Variants in RNF20 observed in about 807,000 individuals in gnomAD.
The protein encoded by RNF20 is E3 ubiquitin-protein ligase BRE1A.
A neutral mutation model predicts 126.2 loss-of-function variants in RNF20; 84 were observed. That is an observed-to-expected ratio of 0.67 (90% CI 0.56 to 0.80). RNF20 has a LOEUF of 0.80. RNF20 is among the 30% of genes least tolerant of loss of function. The pLI, the probability that RNF20 is intolerant of heterozygous loss-of-function variation, is 0.00. For synonymous variants in RNF20, 400 were observed against 414.3 expected (o/e 0.97, Z 0.42); for missense variants, 869 against 1,188.2 (o/e 0.73, Z 3.95).
At position 101,557,407 on chromosome 9, in the gene RNF20, A is replaced by C; in HGVS notation, c.2193A>C (p.Glu731Asp). 4 of 1,613,734 alleles carry C rather than the reference A, an allele frequency of 2.5e-6. No individual in the cohort carries two copies. The highest frequency in any genetic ancestry group is 3.4e-6 in the Non-Finnish European group (4 of 1,179,684). ...AGGAAGAAGAAGCACTCCTCTCTGA[A>C]ATGGATGTCACAGGCCAGGCCTTTG... ...AKQEEEALLS[E>D]MDVTGQAFED... Residue 731 changes from glutamate to aspartate, a missense_variant, in exon 16 of 20, where the codon GAA becomes GAC. Transcript: ENST00000389120.
intron 12 of RNF20, 35 bp downstream of exon 12, chr9:101,552,297 A>G (rs757304130): frequency 1.9e-6 from 3 of 1,613,872 alleles, no homozygotes; most frequent in Non-Finnish European, 2.5e-6. Context: ...ATCATTTGCT[A>G]TTAATGTCGT....
chr9:101,553,806 T>C (rs1588223950), intron 13 of RNF20, among the ~76,000 whole-genome samples, 182 bp from the exon 14 acceptor site: 1 of 152,358 alleles, frequency 6.6e-6, no homozygotes, highest in East Asian at 1.9e-4. Flanking sequence ...CTTACTTTTC[T>C]GTACTTTCTA....
intron 19 of RNF20, 48 bp from the exon 20 acceptor site, chr9:101,562,198 A>G (rs747915411): frequency 1.3e-6 from 2 of 1,579,106 alleles, no homozygotes; most frequent in Admixed American, 3.5e-5. Context: ...AGCCATTTGG[A>G]TCATAAACTT....
intron 2 of RNF20, among the ~76,000 whole-genome samples, chr9:101,539,785 T>C (rs922362523): frequency 6.6e-6 from 1 of 152,160 alleles, no homozygotes. Flanking sequence ...TGTCCACATG[T>C]ATGGTGAAGT....
chr9:101,544,963 A>G (rs1827325747), intron 6 of RNF20, 78 bp downstream of exon 6: 1 of 885,154 alleles, frequency 1.1e-6, no homozygotes, highest in African/African-American at 1.6e-5. Context: ...AGCACCTCAA[A>G]GATTACCTTA....
intron 17 of RNF20, 59 bp downstream of exon 17, chr9:101,560,985 T>A (rs1261388217): frequency 3.1e-6 from 5 of 1,598,916 alleles, no homozygotes; most frequent in Non-Finnish European, 3.4e-6. Context: ...TATAACACTG[T>A]TGAGATTGTA....
intron 10 of RNF20, among the ~76,000 whole-genome samples, chr9:101,551,171 C>G (rs10115763): frequency 0.24 from 36,645 of 152,004 alleles, 4,540 homozygotes; most frequent in African/African-American, 0.28. Flanking sequence ...GAATTCCCGG[C>G]ATGAGAACAG....
rs1019143207 is a variant in RNF20 at position 101,557,293 on chromosome 9, T to C, written c.2170-91T>C. On this transcript the variant is annotated intron_variant, in intron 15 of 19. Transcript: ENST00000389120. Reference sequence around the variant, plus strand: ...CTCTGTCACTAAATTAATTTATATCTAAATGAACAGTGGGAAAATTTAGTT... The same window carrying C: ...CTCTGTCACTAAATTAATTTATATCCAAATGAACAGTGGGAAAATTTAGTT... 6.8e-6 allele frequency: 6 copies of C among 884,052 alleles called. No individual in the cohort carries two copies. In the Admixed American group the frequency reaches 7.0e-5, roughly 10 times the overall value. 54.8% of individuals were successfully genotyped at this position (884,052 alleles called of 1,614,324 possible).
Position 101,550,790 on chromosome 9 carries a change from T to C in RNF20, c.1272+5T>C, listed in dbSNP as rs1405229057. On this transcript the variant is annotated splice_donor_5th_base_variant and intron_variant, in intron 10 of 19. Transcript: ENST00000389120. Reference sequence around the variant, plus strand: ...CACCAGGTTGAGCTTATTGAGGTAATAGCCTTGCCTTGTCTTTTGTATGTA... The same window carrying C: ...CACCAGGTTGAGCTTATTGAGGTAACAGCCTTGCCTTGTCTTTTGTATGTA... 1 of 1,613,632 alleles carries C rather than the reference T, an allele frequency of 6.2e-7. No homozygotes were observed. The highest frequency in any genetic ancestry group is 1.3e-5 in the African/African-American group (1 of 74,934).
At chr9:101,543,014 C>T (rs1202794408) in intron 5 of RNF20, among the ~76,000 whole-genome samples, 1 of 152,210 alleles carries the variant, frequency 6.6e-6, no homozygotes, top group Non-Finnish European at 1.5e-5. Context: ...ATTCCTAGGA[C>T]ATCATCAATA....
At position 101,561,198 on chromosome 9, in the gene RNF20, G is replaced by T. The variant is rs1225767718; in HGVS notation, c.2617G>T (p.Glu873Ter). ...GATCGTGGAGAACAGTGTTACCAAA[G>T]AAAAGGACATGTTCAATTTCAAACG... Reference protein sequence around the residue: ...DEIVENSVTKEKDMFNFKRAQ... With the variant: ...DEIVENSVTK Residue 873 changes from glutamate (E) to a stop codon, truncating the protein, a stop_gained, in exon 18 of 20, where the codon GAA (glutamate) becomes TAA (stop). Coordinates refer to ENST00000389120, the MANE Select transcript of RNF20 (RefSeq NM_019592.7). LOFTEE classifies it high-confidence loss of function. 6.2e-7 allele frequency: 1 copy of T among 1,613,824 alleles called. No individual in the cohort carries two copies. Among genetic ancestry groups the T allele is most frequent in the Non-Finnish European group, 8.5e-7 (1 of 1,179,782 alleles).
chr9:101,541,558 A>T (rs954968762), intron 5 of RNF20, among the ~76,000 whole-genome samples: 2 of 152,220 alleles, frequency 1.3e-5, no homozygotes, highest in Non-Finnish European at 2.9e-5. Flanking sequence ...AAATAGCAGA[A>T]TTAACTTTAT....
rs149209425 is a variant in RNF20, at chr9:101,557,593, T to C, written c.2379T>C (p.Thr793=). The C allele has an allele frequency of 1.7e-5, 28 of 1,610,550 alleles. No homozygotes were observed. Among genetic ancestry groups the C allele is most frequent in the African/African-American group, 2.7e-5 (2 of 74,858 alleles). The change falls in exon 16 of 20, where the codon ACT becomes ACC. Residue 793 remains threonine, a synonymous_variant. Coordinates refer to ENST00000389120, the MANE Select transcript of RNF20 (RefSeq NM_019592.7). Reference sequence around the variant, plus strand: ...CAGACCAGGTGTTGACTCTGAAGACTCAGGTAATTAGGATGAGTAGAGCTT... The same window carrying C: ...CAGACCAGGTGTTGACTCTGAAGACCCAGGTAATTAGGATGAGTAGAGCTT... ...ELADQVLTLK[T]QVDAQLQVVR...
rs200245240 is a variant in RNF20, at chr9:101,534,909, C to CT, written c.-26-473dup. On this transcript the variant is annotated intron_variant, in intron 1 of 19. Transcript: ENST00000389120. ...GTCATGTAAATTTAGCCTTGACTTT[C>CT]TTTTTTTTTTTTTTTTGAGACGGAG... 6.0e-3 allele frequency among the ~76,000 whole-genome samples: 833 copies of CT among 139,792 alleles called. 2 individuals are homozygous for CT. Among genetic ancestry groups the CT allele is most frequent in the African/African-American group, 7.7e-3 (297 of 38,366 alleles). The allele number at this position is 139,792 out of a possible 152,430, so 91.7% of individuals were successfully genotyped here. A position where few individuals can be genotyped will look rare whatever the true frequency, so the allele number is the denominator to read the frequency against.
chr9:101,552,334 A>G (rs989116786), intron 12 of RNF20, 49 bp from the exon 13 acceptor site: 2 of 1,612,066 alleles, frequency 1.2e-6, no homozygotes, highest in Non-Finnish European at 1.7e-6. Context: ...GAGGTCGGCA[A>G]TGTGGTTATC....
chr9:101,560,191 G>A (rs576779610), intron 16 of RNF20, among the ~76,000 whole-genome samples: 1 of 152,112 alleles, frequency 6.6e-6, no homozygotes, highest in African/African-American at 2.4e-5. Context: ...TTTATATGGT[G>A]TATCAGATTT....
rs753956279 is a variant in RNF20, at chr9:101,560,864, A to G, written c.2446A>G (p.Ile816Val). 6.2e-7 allele frequency: 1 copy of G among 1,613,718 alleles called. No individual in the cohort carries two copies. The highest frequency in any genetic ancestry group is 1.1e-5 in the South Asian group (1 of 91,074). ...EEKEHLLQSN[I>V]GTGEKELGLR... ...GAAGGAGCATCTGTTACAGAGCAAC[A>G]TTGGCACAGGGGAGAAAGAGCTGGG... Residue 816 changes from isoleucine (I) to valine (V), a missense_variant, in exon 17 of 20, where the codon ATT (isoleucine) becomes GTT (valine). Ile to Val is a conservative substitution (Grantham distance 29). Transcript: ENST00000389120.
rs139008639 is a variant in RNF20 at position 101,539,280 on chromosome 9, C to T, written c.130-923C>T. On this transcript the variant is annotated intron_variant, in intron 2 of 19. Transcript: ENST00000389120. ...ATTCATTTTGTAAAGGCACCGGTTT[C>T]GGTGGTTTGATGAACTTCTCTAGAA... Among the ~76,000 whole-genome samples the T allele has an allele frequency of 2.3e-3, 355 of 152,090 alleles. 3 individuals are homozygous for T. The highest frequency in any genetic ancestry group is 8.1e-3 in the African/African-American group (337 of 41,468).
At chr9:101,552,362 T>C (rs1204480083) in intron 12 of RNF20, 21 bp from the exon 13 acceptor site, 1 of 1,606,672 alleles carries the variant, frequency 6.2e-7, no homozygotes, top group Non-Finnish European at 8.5e-7. Flanking sequence ...ATGTGCATCT[T>C]TCTTTTCTTT....
Sources: gnomAD v4.1 joint callset for allele counts (sites outside exome capture counted in the v4.1 genomes callset) on GRCh38, gnomAD v4.1.1 for gene constraint, MANE v1.5 for transcripts, NCBI Gene and HGNC (gene_info 2026-07-23, HGNC 2026-07-21) for gene names.